The following AGL variants were observed in gnomAD, a reference collection of about 807,000 sequenced individuals.
AGL encodes the protein glycogen debranching enzyme.
AGL carries 128 observed loss-of-function variants against 199.3 expected under a neutral mutation model. The observed-to-expected ratio is 0.64, with a 90% CI of 0.56 to 0.74. The LOEUF is 0.74. AGL is among the 30% of genes least tolerant of loss of function. AGL has a pLI of 0.00. For synonymous variants in AGL, 584 were observed against 594.7 expected, an observed-to-expected ratio of 0.98 and a Z score of 0.26; for missense variants, 1,809 against 1,820.8, an observed-to-expected ratio of 0.99 and a Z score of 0.12.
intron 27 of AGL, 84 bp downstream of exon 27, chr1:99,902,878 G>A: frequency 2.0e-6 from 2 of 1,019,262 alleles, no homozygotes; most frequent in South Asian, 1.3e-5. Flanking sequence ...AAATATTTGT[G>A]TGCCAAACCT....
intron 5 of AGL, among the ~76,000 whole-genome samples, chr1:99,869,788 G>T (rs897767042): frequency 6.6e-6 from 1 of 152,124 alleles, no homozygotes; most frequent in African/African-American, 2.4e-5. Flanking sequence ...CAAATTCCAT[G>T]TAACTTTCAT....
chr1:99,881,312 A>C lies in AGL; in HGVS notation c.2022A>C (p.Glu674Asp), dbSNP rs1329258484. 8 of 1,613,982 alleles carry C rather than the reference A, an allele frequency of 5.0e-6. No individual in the cohort carries two copies. The Admixed American group carries it at 1.3e-4, about 27-fold the overall frequency. The change falls in exon 16 of 34, where the codon GAA becomes GAC. Residue 674 changes from glutamate (E) to aspartate (D), a missense_variant. Coordinates refer to ENST00000361915, the MANE Select transcript of AGL (RefSeq NM_000642.3). ...TCCAGATTTCAGTGGTTTCTGAAGA[A>C]CGGTTTTACACTAAGTGGAATCCTG... ...VPHQISVVSE[E>D]RFYTKWNPEA...
intron 3 of AGL, 105 bp from the exon 4 acceptor site, chr1:99,862,152 A>G: frequency 8.7e-7 from 1 of 1,154,488 alleles, no homozygotes; most frequent in Admixed American, 1.8e-5. Context: ...AAATAAATAC[A>G]TTTTATTTGG....
At chr1:99,875,114 G>A (rs777279756) in intron 8 of AGL, 40 bp from the exon 9 acceptor site, 1 of 1,536,682 alleles carries the variant, frequency 6.5e-7, no homozygotes, top group Non-Finnish European at 9.0e-7. Context: ...AATCTGTAAA[G>A]CCATTAAATA....
chr1:99,856,615 G>A (rs187532459), intron 2 of AGL, among the ~76,000 whole-genome samples: 158 of 152,050 alleles, frequency 1.0e-3, no homozygotes, highest in African/African-American at 3.7e-3. Flanking sequence ...TTGTGTCCCT[G>A]GGTACTTGAG....
At position 99,861,486 on chromosome 1, in the gene AGL, A is replaced by G. The variant is rs755290309; in HGVS notation, c.83-17A>G. On this transcript the variant is annotated splice_polypyrimidine_tract_variant and intron_variant, in intron 2 of 33. Transcript: ENST00000361915. ...TAAGTCCTACGATGAGTTTATTAAC[A>G]TGTGCTTTTTATTTAGGGTATGAGC... The G allele has an allele frequency of 2.5e-6, 4 of 1,613,680 alleles. No individual in the cohort carries two copies. The South Asian group carries it at 4.4e-5, about 18-fold the overall frequency.
At position 99,851,021 on chromosome 1, in the gene AGL, T is replaced by A; in HGVS notation, c.-22T>A. The A allele has an allele frequency of 1.8e-5, 29 of 1,596,230 alleles. No homozygotes were observed. Among genetic ancestry groups the A allele is most frequent in the Non-Finnish European group, 2.5e-5 (29 of 1,163,832 alleles). Reference sequence around the variant, plus strand: ...AGTTCTTTTAATTCTTATGAAAGATTTCAAATCCTCTAGAAGCCAAAATGG... The same window carrying A: ...AGTTCTTTTAATTCTTATGAAAGATATCAAATCCTCTAGAAGCCAAAATGG... On this transcript the variant is annotated 5_prime_UTR_variant, in exon 2 of 34. Transcript: ENST00000361915.
chr1:99,868,469 G>A (rs940669807), intron 5 of AGL, among the ~76,000 whole-genome samples: 1 of 151,918 alleles, frequency 6.6e-6, no homozygotes, highest in African/African-American at 2.4e-5. Flanking sequence ...AAAATTAGCC[G>A]GGCATGGTGG....
At position 99,884,386 on chromosome 1, in the gene AGL, G is replaced by A. The variant is rs1323938645; in HGVS notation, c.2481G>A (p.Gly827=). 6 of 1,612,956 alleles carry A rather than the reference G, an allele frequency of 3.7e-6. No homozygotes were observed. Among genetic ancestry groups the A allele is most frequent in the Non-Finnish European group, 5.1e-6 (6 of 1,179,502 alleles). Residue 827 remains glycine, a synonymous_variant, in exon 19 of 34, where the codon GGG becomes GGA. Transcript: ENST00000361915. ...IVKQAGVATK[G]PNEYIQEIEF... The stretch of plus-strand genomic sequence containing the variant: ...AACAAGCTGGAGTTGCCACAAAAGG[G>A]CCCAATGAATATATTCAAGAAATAG...
At chr1:99,870,718 A>T in intron 6 of AGL, 40 bp from the exon 7 acceptor site, 1 of 1,402,638 alleles carries the variant, frequency 7.1e-7, no homozygotes, top group Non-Finnish European at 1.0e-6. Context: ...TTAAATAAGT[A>T]TATGTATATA....
In AGL at chr1:99,881,358, G is replaced by T. The variant is rs780205320; in HGVS notation, c.2068G>T (p.Gly690Cys). 9.9e-6 allele frequency: 16 copies of T among 1,614,124 alleles called. No individual in the cohort carries two copies. The highest frequency in any genetic ancestry group is 1.6e-4 in the Middle Eastern group (1 of 6,062). ...TCCTGAAGCATTGCCTTCAAACACA[G>T]GTGAAGTTAATTTCCAAAGCGGCAT... The part of the protein sequence containing the change: ...WNPEALPSNT[G>C]EVNFQSGIIA... Residue 690 changes from glycine to cysteine, a missense_variant, in exon 16 of 34, where the codon GGT (glycine) becomes TGT (cysteine). Physicochemically the swap from Gly to Cys is radical, Grantham distance 159. Transcript: ENST00000361915.
At chr1:99,910,664 A>G (rs546782026) in intron 27 of AGL, 48 bp from the exon 28 acceptor site, 12 of 1,109,924 alleles carry the variant, frequency 1.1e-5, no homozygotes, top group African/African-American at 1.6e-5. Flanking sequence ...TGTATATACT[A>G]TATATAATAC....
chr1:99,924,021 T>G (rs927528229), downstream of AGL: 1 of 152,216 alleles, frequency 6.6e-6, no homozygotes, highest in African/African-American at 2.4e-5. Flanking sequence ...TCTAAAGGTC[T>G]GTATTTTGCT....
At position 99,888,186 on chromosome 1, in the gene AGL, T is replaced by C. The variant is rs74579499; in HGVS notation, c.2812+78T>C. Reference sequence around the variant, plus strand: ...GGTGTCTTCTTTACAGACATAGATATAGGCTCAGAGTATGCCTACTTGGGT... The same window carrying C: ...GGTGTCTTCTTTACAGACATAGATACAGGCTCAGAGTATGCCTACTTGGGT... On this transcript the variant is annotated intron_variant, in intron 21 of 33. Transcript: ENST00000361915. The C allele has an allele frequency of 3.3e-4, 519 of 1,579,098 alleles. 1 individual carries two copies. In the East Asian group the frequency reaches 7.9e-3, roughly 24 times the overall value.
chr1:99,858,391 A>C (rs1266344029), intron 2 of AGL, among the ~76,000 whole-genome samples: 1 of 152,232 alleles, frequency 6.6e-6, no homozygotes. Context: ...AGAGTTTGGC[A>C]CATATTTTCC....
At chr1:99,912,269 A>C in intron 28 of AGL, 136 bp from the exon 29 acceptor site, 1 of 698,682 alleles carries the variant, frequency 1.4e-6, no homozygotes, top group African/African-American at 1.8e-5. Flanking sequence ...TATAGTACAC[A>C]TTCCTATAGA....
rs1655562221 is a variant in AGL, at chr1:99,922,242, C to T, written c.*591C>T. On this transcript the variant is annotated 3_prime_UTR_variant, in exon 34 of 34. Coordinates refer to ENST00000361915, the MANE Select transcript of AGL (RefSeq NM_000642.3). Reference sequence around the variant, plus strand: ...TTAATTTTTGTGTAATGAATGCCAACAGTATATTTTATATGATTTACTTAT... The same window carrying T: ...TTAATTTTTGTGTAATGAATGCCAATAGTATATTTTATATGATTTACTTAT... 2 of 151,654 alleles carry T rather than the reference C, an allele frequency of 1.3e-5. No homozygotes were observed. Among genetic ancestry groups the T allele is most frequent in the Non-Finnish European group, 2.9e-5 (2 of 67,808 alleles). The allele number at this position is 151,654 out of a possible 1,614,324, so 9.4% of individuals were successfully genotyped here.
chr1:99,858,074 G>A (rs1268315889), intron 2 of AGL, among the ~76,000 whole-genome samples: 1 of 152,192 alleles, frequency 6.6e-6, no homozygotes, highest in Non-Finnish European at 1.5e-5. Context: ...ATGTTGCCAT[G>A]CATTGCACTT....
Position 99,874,806 on chromosome 1 carries a change from C to A in AGL, c.1078C>A (p.His360Asn). The A allele has an allele frequency of 6.2e-7, 1 of 1,613,472 alleles. No homozygotes were observed. Reference protein sequence around the residue: ...MNIALTTFIPHDKGPAAIEEC... With the variant: ...MNIALTTFIPNDKGPAAIEEC... ...CATTGCACTAACGACTTTCATACCACATGAGTATGTAATGTGTTTTTTTCT... is the reference window on the plus strand; with the variant it reads ...CATTGCACTAACGACTTTCATACCAAATGAGTATGTAATGTGTTTTTTTCT... The change falls in exon 8 of 34, where the codon CAT becomes AAT. Residue 360 changes from histidine to asparagine, a missense_variant. Physicochemically the swap from His to Asn is moderately conservative, Grantham distance 68. Coordinates refer to ENST00000361915, the MANE Select transcript of AGL (RefSeq NM_000642.3).
Sources: gnomAD v4.1 joint callset for allele counts (sites outside exome capture counted in the v4.1 genomes callset) on GRCh38, gnomAD v4.1.1 for gene constraint, MANE v1.5 for transcripts, NCBI Gene and HGNC (gene_info 2026-07-23, HGNC 2026-07-21) for gene names.